The following NBPF6 variants were observed in gnomAD, a reference collection of about 807,000 sequenced individuals.
The protein encoded by NBPF6 is NBPF family member NBPF6.
Under a neutral mutation model 20.8 loss-of-function variants are expected in NBPF6, and 2 were observed. The observed-to-expected ratio is 0.10, with a 90% confidence interval of 0.04 to 0.30. The LOEUF is 0.30. Among genes scored for constraint, NBPF6 ranks in the 10% least tolerant of loss-of-function variants. The pLI, the probability that NBPF6 is intolerant of heterozygous loss-of-function variation, is 1.00. For missense variants in NBPF6, 85 were observed against 260.3 expected, an observed-to-expected ratio of 0.33 and a Z score of 4.63; for synonymous variants, 24 against 100.0, an observed-to-expected ratio of 0.24 and a Z score of 4.53.
chr1:108,465,056 T>C, intron 12 of NBPF6, 132 bp from the exon 13 acceptor site: 1 of 351,188 alleles, frequency 2.8e-6, no homozygotes, highest in Non-Finnish European at 5.3e-6. Flanking sequence ...TGCATTTACA[T>C]GATGTCTGTC....
At chr1:108,452,652 C>CATTT (rs1652901452) in intron 3 of NBPF6, among the ~76,000 whole-genome samples, 1 of 68,358 alleles carries the variant, frequency 1.5e-5, no homozygotes, top group East Asian at 4.2e-4. Flanking sequence ...CTGACTGTGG[C>CATTT]GTTTCATTTG....
rs1456761354 is a variant in NBPF6, at chr1:108,471,218, T to G, written c.*580T>G. Among the ~76,000 whole-genome samples the G allele has an allele frequency of 5.9e-5, 9 of 152,226 alleles. No individual in the cohort carries two copies. Among genetic ancestry groups the G allele is most frequent in the Admixed American group, 5.9e-4 (9 of 15,288 alleles). On this transcript the variant is annotated 3_prime_UTR_variant, in exon 15 of 15. Transcript: ENST00000495380. ...TTTGAACCCAAAACATCTCCTTATC[T>G]TTTTGTTGTTGTCATCGATGGTGGT...
chr1:108,470,605 T>G lies in NBPF6; in HGVS notation c.1884T>G (p.Asn628Lys). The G allele has an allele frequency of 1.3e-6, 2 of 1,553,290 alleles. No individual in the cohort carries two copies. Among genetic ancestry groups the G allele is most frequent in the Middle Eastern group, 1.7e-4 (1 of 5,982 alleles). Residue 628 changes from asparagine to lysine, a missense_variant, in exon 15 of 15, where the codon AAT (asparagine) becomes AAG (lysine). Physicochemically the swap from Asn to Lys is moderately conservative, Grantham distance 94. Coordinates refer to ENST00000495380, the MANE Select transcript of NBPF6 (RefSeq NM_001143988.2). Reference sequence around the variant, plus strand: ...CTCTCTCTCCCCTACAGATACCAAATACTGCTGAAAGGATGCAAAGGATGA... The same window carrying G: ...CTCTCTCTCCCCTACAGATACCAAAGACTGCTGAAAGGATGCAAAGGATGA... ...GPHAESAEIPNTAERMQRMIG is the reference protein window; with the variant it reads ...GPHAESAEIPKTAERMQRMIG
chr1:108,467,470 T>C lies in NBPF6; in HGVS notation c.1680T>C (p.Ser560=). The C allele has an allele frequency of 1.3e-6, 2 of 1,536,628 alleles. No homozygotes were observed. Among genetic ancestry groups the C allele is most frequent in the Non-Finnish European group, 1.8e-6 (2 of 1,135,684 alleles). ...TTTCAGAGCTGGTTTTAGAGCCCTC[T>C]CTGGGGATGAAGAACCCTCCCCAGC... is the stretch of plus-strand genomic sequence containing the variant. ...WPFQELVLEP[S]LGMKNPPQLE... The change falls in exon 14 of 15, where the codon TCT becomes TCC. Residue 560 remains serine (S), a synonymous_variant. Transcript: ENST00000495380.
rs1653435547 is a variant in NBPF6, at chr1:108,470,961, ACT to A, written c.*326_*327del. The A allele has an allele frequency of 3.9e-6, 1 of 254,318 alleles. No homozygotes were observed. The highest frequency in any genetic ancestry group is 2.2e-5 in the African/African-American group (1 of 44,754). 15.8% of individuals were successfully genotyped at this position (254,318 alleles called of 1,614,324 possible). On this transcript the variant is annotated 3_prime_UTR_variant, in exon 15 of 15. Transcript: ENST00000495380. Reference sequence around the variant, plus strand: ...GGCAGGAGACAGCATGTCAGCCGGGACTCTGCCAGGGCAGAGTATGAGCAATG... The same window carrying A: ...GGCAGGAGACAGCATGTCAGCCGGGACTGCCAGGGCAGAGTATGAGCAATG...
rs12759224 is a variant in NBPF6, at chr1:108,471,234, C to T, written c.*596C>T. 5.3e-5 allele frequency among the ~76,000 whole-genome samples: 8 copies of T among 152,158 alleles called. No homozygotes were observed. Among genetic ancestry groups the T allele is most frequent in the South Asian group, 4.1e-4 (2 of 4,820 alleles). Reference sequence around the variant, plus strand: ...CTCCTTATCTTTTTGTTGTTGTCATCGATGGTGGTGACATGGACTTGTTTG... The same window carrying T: ...CTCCTTATCTTTTTGTTGTTGTCATTGATGGTGGTGACATGGACTTGTTTG... On this transcript the variant is annotated 3_prime_UTR_variant, in exon 15 of 15. Coordinates refer to ENST00000495380, the MANE Select transcript of NBPF6 (RefSeq NM_001143988.2).
intron 9 of NBPF6, among the ~76,000 whole-genome samples, chr1:108,459,574 A>G (rs1453085814): frequency 7.5e-6 from 1 of 132,774 alleles, no homozygotes; most frequent in South Asian, 2.4e-4. Context: ...CTTGGCCACT[A>G]CACATAAAAT....
intron 8 of NBPF6, 26 bp from the exon 9 acceptor site, chr1:108,459,032 C>T: frequency 4.7e-6 from 2 of 430,086 alleles, no homozygotes; most frequent in Non-Finnish European, 8.6e-6. Flanking sequence ...GTTCACCTGG[C>T]TGGTCTTCTC....
rs1049483643 is a variant in NBPF6 at position 108,470,657 on chromosome 1, A to G, written c.*19A>G. The G allele has an allele frequency of 1.9e-6, 3 of 1,553,812 alleles. No homozygotes were observed. Among genetic ancestry groups the G allele is most frequent in the African/African-American group, 1.4e-5 (1 of 72,936 alleles). On this transcript the variant is annotated 3_prime_UTR_variant, in exon 15 of 15. Transcript: ENST00000495380. ...AGGATGAAAGAATGTCACAAAAAGC[A>G]GCTTTTCCACTTGATAAAAACAACT...
At chr1:108,458,923 C>T in intron 8 of NBPF6, 135 bp from the exon 9 acceptor site, 1 of 155,280 alleles carries the variant, frequency 6.4e-6, no homozygotes, top group Non-Finnish European at 1.3e-5. Context: ...CTGAGACCTC[C>T]TGGAAAGTTT....
At chr1:108,448,041 A>G (rs1652673043), upstream of NBPF6, among the ~76,000 whole-genome samples, 1 of 145,820 alleles carries the variant, frequency 6.9e-6, no homozygotes, top group South Asian at 2.1e-4. Flanking sequence ...AATCTTCTCC[A>G]TAAAATATAT....
At position 108,465,832 on chromosome 1, in the gene NBPF6, G is replaced by A. The variant is rs1219340664; in HGVS notation, c.1660+408G>A. 6.8e-5 allele frequency among the ~76,000 whole-genome samples: 7 copies of A among 103,622 alleles called. 2 individuals carry two copies. Among genetic ancestry groups the A allele is most frequent in the African/African-American group, 2.3e-4 (6 of 25,716 alleles). 68.0% of individuals were successfully genotyped at this position (103,622 alleles called of 152,430 possible). A position where few individuals can be genotyped will look rare whatever the true frequency, so the allele number is the denominator to read the frequency against. On this transcript the variant is annotated intron_variant, in intron 13 of 14. Coordinates refer to ENST00000495380, the MANE Select transcript of NBPF6 (RefSeq NM_001143988.2). ...ACACTTAGCAAGTGATTTCACGGAC[G>A]ATGTCTCCTCTGAGGTAGAGCAGTT...
At position 108,459,401 on chromosome 1, in the gene NBPF6, A is replaced by T. The variant is rs1170800704; in HGVS notation, c.1028+292A>T. On this transcript the variant is annotated intron_variant, in intron 9 of 14. Transcript: ENST00000495380. ...TATGGTGTCAACCAGCCTGAGATGCATATCTGCTTTCTGCTGGTTTTGCAT... is the reference window on the plus strand; with the variant it reads ...TATGGTGTCAACCAGCCTGAGATGCTTATCTGCTTTCTGCTGGTTTTGCAT... Among the ~76,000 whole-genome samples the T allele has an allele frequency of 2.0e-5, 3 of 147,386 alleles. No individual in the cohort carries two copies. The Admixed American group carries it at 2.0e-4, about 10-fold the overall frequency.
In NBPF6 at chr1:108,459,619, GT is replaced by G. The variant is rs1358801226; in HGVS notation, c.1029-312del. Among the ~76,000 whole-genome samples the G allele has an allele frequency of 8.4e-3, 531 of 63,252 alleles. 1 individual carries two copies. The highest frequency in any genetic ancestry group is 0.024 in the Middle Eastern group (2 of 82). The allele number at this position is 63,252 out of a possible 152,430, so 41.5% of individuals were successfully genotyped here. Reference sequence around the variant, plus strand: ...TTTAAAAGAAAGGAATGAAACCACTGTTATAGGACATGATATTCAGTAAGTC... The same window carrying G: ...TTTAAAAGAAAGGAATGAAACCACTGTATAGGACATGATATTCAGTAAGTC... On this transcript the variant is annotated intron_variant, in intron 9 of 14. Transcript: ENST00000495380.
upstream of NBPF6, among the ~76,000 whole-genome samples, chr1:108,447,842 A>G (rs1652662454): frequency 6.8e-6 from 1 of 146,072 alleles, no homozygotes; most frequent in Non-Finnish European, 1.5e-5. Flanking sequence ...GACAAAGATT[A>G]AAAACAAAAG....
intron 9 of NBPF6, among the ~76,000 whole-genome samples, chr1:108,459,576 A>G (rs1454071549): frequency 5.3e-5 from 7 of 131,268 alleles, no homozygotes; most frequent in Non-Finnish European, 8.5e-5. Context: ...TGGCCACTAC[A>G]CATAAAATTT....
chr1:108,449,438 ATAT>A (rs1340747478), upstream of NBPF6, among the ~76,000 whole-genome samples: 2 of 12,352 alleles, frequency 1.6e-4, no homozygotes, highest in African/African-American at 2.2e-4. Context: ...ATATATATAT[ATAT>A]ATATATATAT....
At chr1:108,436,673 C>A in the NBPF6 span, among the ~76,000 whole-genome samples, 1 of 74,758 alleles carries the variant, frequency 1.3e-5, no homozygotes, top group South Asian at 4.1e-4. Flanking sequence ...CAAAAATAAA[C>A]CAATGCATAT....
chr1:108,446,521 CA>C (rs1324437298), upstream of NBPF6, among the ~76,000 whole-genome samples: 1,948 of 10,566 alleles, frequency 0.18, 39 homozygotes, highest in Middle Eastern at 0.33. Context: ...GAACCTGTCT[CA>C]AAAAAAAAAA....
Sources: gnomAD v4.1 joint callset for allele counts (sites outside exome capture counted in the v4.1 genomes callset) on GRCh38, gnomAD v4.1.1 for gene constraint, MANE v1.5 for transcripts, NCBI Gene and HGNC (gene_info 2026-07-23, HGNC 2026-07-21) for gene names.